KANK1: variants seen among roughly 807,000 people sequenced by gnomAD.
The protein encoded by KANK1 is KN motif and ankyrin repeat domain-containing protein 1.
Under a neutral mutation model 106.2 loss-of-function variants are expected in KANK1, and 109 were observed. That is an observed-to-expected ratio of 1.03 (90% confidence interval 0.88 to 1.20). The LOEUF (loss-of-function observed/expected upper bound fraction) is 1.20, where lower values mean the gene tolerates loss of function less well. KANK1 is among the 50% of genes most tolerant of loss of function. The probability of loss-of-function intolerance (pLI) is 0.00; values close to 1 mark genes in which losing one functional copy is unlikely to be tolerated. For synonymous variants in KANK1, 873 were observed against 652.2 expected (o/e 1.34, Z -5.16); for missense variants, 2,399 against 1,710.7 (o/e 1.40, Z -7.10).
chr9:648,196 G>T (rs989635156), intron 1 of KANK1, among the ~76,000 whole-genome samples: 1 of 143,230 alleles, frequency 7.0e-6, no homozygotes, highest in African/African-American at 3.0e-5. Context: ...TAGAGACGGG[G>T]TGTCATCATG....
intron 1 of KANK1, among the ~76,000 whole-genome samples, chr9:596,706 A>G (rs982217357): frequency 6.6e-6 from 1 of 151,732 alleles, no homozygotes; most frequent in African/African-American, 2.4e-5. Flanking sequence ...GGTCTTCCCT[A>G]TACATTTTTT....
chr9:470,751 C>T (rs2058003816), intron 2 of KANK1: 1 of 152,378 alleles, frequency 6.6e-6, no homozygotes, highest in South Asian at 2.1e-4. Context: ...TTTAATCTCC[C>T]ATTCAGCACT....
chr9:580,708 C>G (rs373990982), intron 1 of KANK1, among the ~76,000 whole-genome samples: 1 of 152,246 alleles, frequency 6.6e-6, no homozygotes, highest in African/African-American at 2.4e-5. Context: ...GCTGGCTTCA[C>G]CTAGTGGATC....
chr9:486,828 A>G (rs1050438646), intron 3 of KANK1, among the ~76,000 whole-genome samples: 2 of 152,194 alleles, frequency 1.3e-5, no homozygotes, highest in Admixed American at 1.3e-4. Context: ...GTAGTCATAA[A>G]CTTCTGTGCT....
chr9:486,147 G>C (rs930938314), intron 3 of KANK1, among the ~76,000 whole-genome samples: 1 of 152,108 alleles, frequency 6.6e-6, no homozygotes, highest in African/African-American at 2.4e-5. Flanking sequence ...TATCAGACAG[G>C]AAAGCAAATC....
intron 7 of KANK1, chr9:735,709 C>G (rs1278475201): frequency 6.9e-6 from 3 of 433,320 alleles, no homozygotes; most frequent in Non-Finnish European, 1.5e-5. Context: ...ATACCTAATA[C>G]AGGGCCAGGT....
intron 1 of KANK1, among the ~76,000 whole-genome samples, chr9:537,035 C>T (rs561021189): frequency 7.2e-5 from 11 of 152,192 alleles, no homozygotes; most frequent in Admixed American, 5.9e-4. Flanking sequence ...GACAAGGAAG[C>T]GAGAGAGAAG....
chr9:504,924 C>G (rs2058672601), intron 1 of KANK1, among the ~76,000 whole-genome samples, 170 bp downstream of exon 1: 1 of 150,468 alleles, frequency 6.6e-6, no homozygotes, highest in South Asian at 2.1e-4. Context: ...CGGGCTCCCG[C>G]TCGTGCGGGT....
Position 738,309 on chromosome 9 carries a change from C to G in KANK1, c.3358C>G (p.His1120Asp), listed in dbSNP as rs1197358590. ...GAGGTTCTGTCTGAACACCCTCCAG[C>G]ACGAGTGGTTCCGCGTGTCCAGTCA... is the stretch of plus-strand genomic sequence containing the variant. ...DMRFCLNTLQ[H>D]EWFRVSSQKS... Residue 1120 changes from histidine to aspartate, a missense_variant, in exon 8 of 12, where the codon CAC (histidine) becomes GAC (aspartate). Transcript: ENST00000382297. 13 of 1,613,492 alleles carry G rather than the reference C, an allele frequency of 8.1e-6. No homozygotes were observed. Among genetic ancestry groups the G allele is most frequent in the African/African-American group, 1.3e-5 (1 of 74,916 alleles).
chr9:634,458 C>T (rs1026324051), intron 1 of KANK1, among the ~76,000 whole-genome samples: 1 of 152,120 alleles, frequency 6.6e-6, no homozygotes, highest in Non-Finnish European at 1.5e-5. Flanking sequence ...GTGATGTTAT[C>T]TATAGGAGCA....
chr9:609,461 C>T (rs553624362), intron 1 of KANK1, among the ~76,000 whole-genome samples: 4 of 152,140 alleles, frequency 2.6e-5, no homozygotes, highest in Admixed American at 2.6e-4. Context: ...AACCCCATCT[C>T]TACTAAAAAT....
intron 3 of KANK1, among the ~76,000 whole-genome samples, chr9:717,469 G>C (rs1303022755): frequency 6.6e-6 from 1 of 152,088 alleles, no homozygotes; most frequent in South Asian, 2.1e-4. Context: ...TACATAGTCC[G>C]CCTCTTTGTT....
In KANK1 at chr9:491,757, T is replaced by C. The variant is rs141288441; in HGVS notation, c.-362+18484T>C. Among the ~76,000 whole-genome samples, 280 of 152,320 alleles carry C rather than the reference T, an allele frequency of 1.8e-3. 2 individuals carry two copies. Among genetic ancestry groups the C allele is most frequent in the African/African-American group, 6.5e-3 (272 of 41,570 alleles). On this transcript the variant is annotated intron_variant, in intron 3 of 15. Coordinates refer to the KANK1 transcript ENST00000382303. The stretch of plus-strand genomic sequence containing the variant: ...AAATCTCATCTTGAATTATAACTCC[T>C]ACAATTCCCACATTTCGTGGAAGGA...
intron 1 of KANK1, chr9:540,386 C>T (rs1432421518): frequency 6.6e-6 from 1 of 152,130 alleles, no homozygotes; most frequent in Non-Finnish European, 1.5e-5. Context: ...GGATAAATCC[C>T]ATTTGTTCAT....
chr9:567,568 C>G (rs141657033), intron 1 of KANK1, among the ~76,000 whole-genome samples: 45 of 152,322 alleles, frequency 3.0e-4, no homozygotes, highest in Non-Finnish European at 5.4e-4. Context: ...TTTCACTTCC[C>G]TCTTCTAAGT....
intron 1 of KANK1, among the ~76,000 whole-genome samples, chr9:578,112 G>A (rs940004188): frequency 3.9e-5 from 6 of 152,130 alleles, no homozygotes; most frequent in African/African-American, 1.4e-4. Flanking sequence ...TGGCCATACT[G>A]GGGCTTATGG....
intron 3 of KANK1, among the ~76,000 whole-genome samples, chr9:497,897 G>A (rs988667519): frequency 2.6e-5 from 4 of 152,018 alleles, no homozygotes; most frequent in Admixed American, 6.6e-5. Flanking sequence ...GTATAAAGAA[G>A]AAAATTACTT....
chr9:504,362 G>A (rs1421858888), upstream of KANK1, among the ~76,000 whole-genome samples: 1 of 151,776 alleles, frequency 6.6e-6, no homozygotes, highest in Non-Finnish European at 1.5e-5. Flanking sequence ...GCGCGGCGAC[G>A]AAGGTGCACG....
intron 1 of KANK1, among the ~76,000 whole-genome samples, chr9:603,288 A>G (rs1054052931): frequency 6.6e-6 from 1 of 151,898 alleles, no homozygotes; most frequent in African/African-American, 2.4e-5. Flanking sequence ...AAAGCCTAGT[A>G]TTGAATTGTT....
Sources: gnomAD v4.1 joint callset for allele counts (sites outside exome capture counted in the v4.1 genomes callset) on GRCh38, gnomAD v4.1.1 for gene constraint, MANE v1.5 for transcripts, NCBI Gene and HGNC (gene_info 2026-07-23, HGNC 2026-07-21) for gene names.